Variants in TAFA1 observed in about 807,000 individuals in gnomAD.
TAFA1 encodes the protein chemokine-like protein TAFA-1.
Under a neutral mutation model 18.5 loss-of-function variants are expected in TAFA1, and 4 were observed. That is an observed-to-expected ratio of 0.22 (90% CI 0.11 to 0.49). The LOEUF (loss-of-function observed/expected upper bound fraction) is 0.49, where lower values mean the gene tolerates loss of function less well. Among genes scored for constraint, TAFA1 ranks in the 20% least tolerant of loss-of-function variants. The pLI, the probability that TAFA1 is intolerant of heterozygous loss-of-function variation, is 0.98. For missense variants in TAFA1, 147 were observed against 169.0 expected (o/e 0.87, Z 0.72); for synonymous variants, 56 against 55.2 (o/e 1.01, Z -0.06).
chr3:68,419,872 C>T (rs1279636013), intron 3 of TAFA1, among the ~76,000 whole-genome samples: 1 of 152,144 alleles, frequency 6.6e-6, no homozygotes, highest in African/African-American at 2.4e-5. Flanking sequence ...AGCCAAACCT[C>T]GTGGAATTCG....
At chr3:68,181,040 G>A (rs905760586) in intron 2 of TAFA1, among the ~76,000 whole-genome samples, 2 of 152,180 alleles carry the variant, frequency 1.3e-5, no homozygotes, top group African/African-American at 4.8e-5. Flanking sequence ...GGACGAGAAG[G>A]CCACCTTTGG....
intron 2 of TAFA1, among the ~76,000 whole-genome samples, chr3:68,155,003 G>T (rs538799164): frequency 5.3e-5 from 8 of 152,256 alleles, no homozygotes; most frequent in African/African-American, 1.7e-4. Context: ...TTATATCGGG[G>T]TTATGCCTTA....
chr3:68,346,004 A>C (rs1010016546), intron 2 of TAFA1, among the ~76,000 whole-genome samples: 1 of 152,144 alleles, frequency 6.6e-6, no homozygotes, highest in African/African-American at 2.4e-5. Context: ...ATGGCTGGCT[A>C]CTTCGCAGCT....
intron 2 of TAFA1, among the ~76,000 whole-genome samples, chr3:68,235,011 C>A (rs1001843191): frequency 1.3e-5 from 2 of 152,104 alleles, no homozygotes; most frequent in Non-Finnish European, 2.9e-5. Context: ...CTGACCCCTG[C>A]CCCCACCTTG....
At chr3:68,086,123 T>G (rs1254304164) in intron 2 of TAFA1, among the ~76,000 whole-genome samples, 2 of 152,218 alleles carry the variant, frequency 1.3e-5, no homozygotes, top group Non-Finnish European at 2.9e-5. Context: ...CATCTGGAAG[T>G]GGAGAATTAC....
At chr3:68,175,376 A>G (rs565664897) in intron 2 of TAFA1, among the ~76,000 whole-genome samples, 4 of 152,202 alleles carry the variant, frequency 2.6e-5, no homozygotes, top group South Asian at 4.1e-4. Flanking sequence ...CAGACACTCA[A>G]TTCTAGCCCA....
At chr3:68,142,628 C>A (rs2065681523) in intron 2 of TAFA1, among the ~76,000 whole-genome samples, 1 of 152,146 alleles carries the variant, frequency 6.6e-6, no homozygotes, top group Admixed American at 6.5e-5. Context: ...GCAAAACCTC[C>A]TACTCTAACA....
At chr3:68,072,974 A>G (rs768515989) in intron 2 of TAFA1, among the ~76,000 whole-genome samples, 2 of 152,236 alleles carry the variant, frequency 1.3e-5, no homozygotes, top group Non-Finnish European at 2.9e-5. Context: ...AAGAACTCCA[A>G]TGAAATTTAC....
At chr3:68,360,898 G>A (rs2069455976) in intron 2 of TAFA1, among the ~76,000 whole-genome samples, 1 of 151,976 alleles carries the variant, frequency 6.6e-6, no homozygotes, top group Admixed American at 6.6e-5. Context: ...AAGCTGGCGA[G>A]AGGCTTTTAA....
chr3:68,103,806 T>G (rs1005862414), intron 2 of TAFA1, among the ~76,000 whole-genome samples: 9 of 152,140 alleles, frequency 5.9e-5, no homozygotes, highest in African/African-American at 2.2e-4. Context: ...CAACCTTCAG[T>G]TCTCATTGAA....
At chr3:68,377,178 A>G (rs1424654372) in intron 2 of TAFA1, among the ~76,000 whole-genome samples, 1 of 152,224 alleles carries the variant, frequency 6.6e-6, no homozygotes, top group African/African-American at 2.4e-5. Flanking sequence ...CTATAAATAG[A>G]TACTTGAAAA....
chr3:68,286,273 A>G (rs2068004041), intron 2 of TAFA1, among the ~76,000 whole-genome samples: 1 of 152,018 alleles, frequency 6.6e-6, no homozygotes, highest in African/African-American at 2.4e-5. Context: ...TATTTTTTTA[A>G]AAATAGACCA....
intron 2 of TAFA1, among the ~76,000 whole-genome samples, chr3:68,409,746 G>A (rs760957672): frequency 1.3e-5 from 2 of 152,118 alleles, no homozygotes; most frequent in African/African-American, 2.4e-5. Context: ...GTTCCCATAG[G>A]TGTCCATTCA....
intron 2 of TAFA1, among the ~76,000 whole-genome samples, chr3:68,248,551 A>T (rs2107153245): frequency 6.6e-6 from 1 of 152,144 alleles, no homozygotes; most frequent in African/African-American, 2.4e-5. Context: ...TTGGAAGACA[A>T]TGTACGGTAA....
intron 2 of TAFA1, among the ~76,000 whole-genome samples, chr3:68,231,578 T>G (rs1023327395): frequency 6.6e-6 from 1 of 151,482 alleles, no homozygotes; most frequent in Admixed American, 6.6e-5. Flanking sequence ...GCCAGGATGG[T>G]CTCGATCTCC....
At chr3:68,290,318 A>G (rs553140536) in intron 2 of TAFA1, among the ~76,000 whole-genome samples, 36 of 152,256 alleles carry the variant, frequency 2.4e-4, no homozygotes, top group African/African-American at 8.4e-4. Flanking sequence ...CTATTATTCA[A>G]TCTACTACCA....
chr3:68,071,978 T>G (rs1486839247), intron 2 of TAFA1, among the ~76,000 whole-genome samples: 1 of 152,000 alleles, frequency 6.6e-6, no homozygotes, highest in Non-Finnish European at 1.5e-5. Flanking sequence ...GACATAAAAT[T>G]TGGGTAAGGA....
At position 68,008,958 on chromosome 3, in the gene TAFA1, A is replaced by T. The variant is rs186353622; in HGVS notation, c.118+2214A>T. ...GAGGTGGGGTGTAAATATAATAAAA[A>T]TAACTTCGAATAAGTCTTTTGTAAG... On this transcript the variant is annotated intron_variant, in intron 2 of 4. Coordinates refer to ENST00000478136, the MANE Select transcript of TAFA1 (RefSeq NM_213609.4). Among the ~76,000 whole-genome samples the T allele has an allele frequency of 9.3e-4, 141 of 152,316 alleles. 2 individuals are homozygous for T. Among genetic ancestry groups the T allele is most frequent in the African/African-American group, 3.1e-3 (127 of 41,568 alleles).
At chr3:68,250,307 G>A (rs1421181164) in intron 2 of TAFA1, among the ~76,000 whole-genome samples, 2 of 152,150 alleles carry the variant, frequency 1.3e-5, no homozygotes, top group African/African-American at 4.8e-5. Context: ...TTCATTTGGA[G>A]ACAGTCTCAG....
Sources: gnomAD v4.1 joint callset for allele counts (sites outside exome capture counted in the v4.1 genomes callset) on GRCh38, gnomAD v4.1.1 for gene constraint, MANE v1.5 for transcripts, NCBI Gene and HGNC (gene_info 2026-07-23, HGNC 2026-07-21) for gene names.